The following VPS13B variants were observed in gnomAD, a reference collection of about 807,000 sequenced individuals.
The protein encoded by VPS13B is vacuolar protein sorting 13 homolog B.
Under a neutral mutation model 426.4 loss-of-function variants are expected in VPS13B, and 285 were observed. The observed-to-expected ratio is 0.67, with a 90% CI of 0.61 to 0.74. The LOEUF (loss-of-function observed/expected upper bound fraction) is 0.74, where lower values mean the gene tolerates loss of function less well. Among genes scored for constraint, VPS13B ranks in the 30% least tolerant of loss-of-function variants. VPS13B has a pLI of 0.00. For synonymous variants in VPS13B, 1,676 were observed against 1,676.4 expected, an observed-to-expected ratio of 1.00 and a Z score of 0.01; for missense variants, 4,537 against 4,782.6, an observed-to-expected ratio of 0.95 and a Z score of 1.51.
intron 3 of VPS13B, among the ~76,000 whole-genome samples, chr8:99,088,183 CAAAA>C (rs1326004820): frequency 3.1e-5 from 2 of 64,842 alleles, no homozygotes; most frequent in Admixed American, 1.8e-4. Context: ...GACCCTGTCT[CAAAA>C]AAAAAAAAAA....
chr8:99,143,040 CCACCAAAAGCCTTGTT>C lies in VPS13B; in HGVS notation c.1719_1734del (p.Thr574Ter). ...GATTTGGGAACAGTTCAGGAGAAGTCCACCAAAAGCCTTGTTATAGGTCCTCTTGATTTTCGTTTGG... is the reference window on the plus strand; with the variant it reads ...GATTTGGGAACAGTTCAGGAGAAGTCATAGGTCCTCTTGATTTTCGTTTGG... On this transcript the variant is annotated frameshift_variant, in exon 13 of 62. Transcript: ENST00000357162. LOFTEE classifies it high-confidence loss of function. 6.2e-7 allele frequency: 1 copy of C among 1,613,998 alleles called. No individual in the cohort carries two copies. The highest frequency in any genetic ancestry group is 8.5e-7 in the Non-Finnish European group (1 of 1,179,942).
chr8:99,488,426 C>T (rs745889111), intron 25 of VPS13B, among the ~76,000 whole-genome samples: 1 of 151,888 alleles, frequency 6.6e-6, no homozygotes, highest in Non-Finnish European at 1.5e-5. Context: ...ACTAGCTAAA[C>T]TGTCTACTAC....
intron 25 of VPS13B, among the ~76,000 whole-genome samples, chr8:99,501,323 G>A (rs991196541): frequency 2.0e-5 from 3 of 152,058 alleles, no homozygotes; most frequent in African/African-American, 4.8e-5. Flanking sequence ...GTACATGAAC[G>A]GATTTGGCTG....
At chr8:99,408,262 A>C (rs977965199) in intron 21 of VPS13B, among the ~76,000 whole-genome samples, 2 of 152,160 alleles carry the variant, frequency 1.3e-5, no homozygotes, top group East Asian at 3.9e-4. Flanking sequence ...CACTGTAGGG[A>C]GAAAAGTGTA....
In VPS13B at chr8:99,035,056, C is replaced by T. The variant is rs527568655; in HGVS notation, c.148-3367C>T. ...CCAAAAATTAAAAAAATTGGTTGGG[C>T]GTGGTGACGTGCATATAATCCTAGC... On this transcript the variant is annotated intron_variant, in intron 2 of 61. Coordinates refer to ENST00000357162, the MANE Select transcript of VPS13B (RefSeq NM_152564.5). Among the ~76,000 whole-genome samples, 20 of 151,024 alleles carry T rather than the reference C, an allele frequency of 1.3e-4. 1 individual carries two copies. Among genetic ancestry groups the T allele is most frequent in the African/African-American group, 3.6e-4 (15 of 41,386 alleles).
At chr8:99,857,101 T>G (rs1374772090) in intron 56 of VPS13B, among the ~76,000 whole-genome samples, 2 of 152,192 alleles carry the variant, frequency 1.3e-5, no homozygotes, top group Admixed American at 6.5e-5. Flanking sequence ...GGAGTACCCT[T>G]GGATCTGTCT....
At chr8:99,524,656 T>C (rs1822551891) in intron 30 of VPS13B, among the ~76,000 whole-genome samples, 1 of 152,130 alleles carries the variant, frequency 6.6e-6, no homozygotes, top group South Asian at 2.1e-4. Context: ...TAGTCAGGTG[T>C]GGTGGCACAC....
At chr8:99,057,415 C>T (rs1233512296) in intron 3 of VPS13B, among the ~76,000 whole-genome samples, 1 of 152,102 alleles carries the variant, frequency 6.6e-6, no homozygotes, top group African/African-American at 2.4e-5. Flanking sequence ...ACTTCACTTT[C>T]TTGGCTCCTC....
chr8:99,146,495 A>G (rs961505615), intron 13 of VPS13B, among the ~76,000 whole-genome samples: 2 of 152,122 alleles, frequency 1.3e-5, no homozygotes, highest in African/African-American at 4.8e-5. Context: ...TTTTGAGGGA[A>G]CATTTGCTTA....
chr8:99,688,133 CTTTTTTT>C (rs1307921649), intron 35 of VPS13B, among the ~76,000 whole-genome samples: 1 of 113,078 alleles, frequency 8.8e-6, no homozygotes, highest in East Asian at 2.6e-4. Flanking sequence ...TCCTTGCTTG[CTTTTTTT>C]TTTTTTTTTT....
At chr8:99,725,441 T>G (rs1308110738) in intron 39 of VPS13B, among the ~76,000 whole-genome samples, 2 of 152,164 alleles carry the variant, frequency 1.3e-5, no homozygotes, top group African/African-American at 4.8e-5. Flanking sequence ...ATGTGAGGGA[T>G]CTAGGTTGTG....
chr8:99,340,997 A>C, intron 19 of VPS13B: 1 of 262,134 alleles, frequency 3.8e-6, no homozygotes, highest in Admixed American at 4.2e-5. Context: ...TTGAAAGAAA[A>C]CACTTAGCTG....
intron 4 of VPS13B, among the ~76,000 whole-genome samples, chr8:99,097,769 A>G (rs576232684): frequency 9.8e-5 from 15 of 152,342 alleles, no homozygotes; most frequent in African/African-American, 3.6e-4. Flanking sequence ...ATACTAAATT[A>G]TAATAAAATA....
At chr8:99,071,740 C>G (rs1844861701) in intron 3 of VPS13B, among the ~76,000 whole-genome samples, 3 of 152,274 alleles carry the variant, frequency 2.0e-5, no homozygotes, top group Middle Eastern at 3.4e-3. Context: ...TCTTAGAAAT[C>G]TGCTTGGTGT....
chr8:99,450,155 TGAA>T (rs1252679451), intron 23 of VPS13B, among the ~76,000 whole-genome samples: 1 of 152,056 alleles, frequency 6.6e-6, no homozygotes, highest in Non-Finnish European at 1.5e-5. Context: ...GAAAAGGAAA[TGAA>T]GAACTAATTT....
intron 16 of VPS13B, among the ~76,000 whole-genome samples, chr8:99,184,878 C>G (rs1406061887): frequency 3.3e-5 from 5 of 152,132 alleles, no homozygotes; most frequent in Admixed American, 1.3e-4. Flanking sequence ...GTAATCCCAG[C>G]TACTCTGGAG....
chr8:99,367,850 C>G (rs948900383), intron 19 of VPS13B, among the ~76,000 whole-genome samples: 1 of 152,056 alleles, frequency 6.6e-6, no homozygotes, highest in South Asian at 2.1e-4. Context: ...GACAGGGTTT[C>G]GCCATGTTGG....
At chr8:99,134,426 C>T (rs1285397358) in intron 8 of VPS13B, among the ~76,000 whole-genome samples, 1 of 152,050 alleles carries the variant, frequency 6.6e-6, no homozygotes, top group Non-Finnish European at 1.5e-5. Context: ...TATTTAAATT[C>T]TCTATATACG....
intron 23 of VPS13B, among the ~76,000 whole-genome samples, chr8:99,450,045 C>A (rs1030240175): frequency 1.3e-5 from 2 of 152,086 alleles, no homozygotes; most frequent in African/African-American, 4.8e-5. Context: ...CCTCGTGATC[C>A]ACCCCTCTTG....
Sources: gnomAD v4.1 joint callset for allele counts (sites outside exome capture counted in the v4.1 genomes callset) on GRCh38, gnomAD v4.1.1 for gene constraint, MANE v1.5 for transcripts, NCBI Gene and HGNC (gene_info 2026-07-23, HGNC 2026-07-21) for gene names.